Variants in VPS13B observed in about 807,000 individuals in gnomAD.
VPS13B encodes intermembrane lipid transfer protein VPS13B.
Under a neutral mutation model 426.4 loss-of-function variants are expected in VPS13B, and 285 were observed. The ratio of observed to expected loss-of-function variants is 0.67; its 90% CI spans 0.61 to 0.74. The LOEUF (loss-of-function observed/expected upper bound fraction) is 0.74, where lower values mean the gene tolerates loss of function less well. Among genes scored for constraint, VPS13B ranks in the 30% least tolerant of loss-of-function variants. VPS13B has a pLI of 0.00. For synonymous variants in VPS13B, 1,676 were observed against 1,676.4 expected (o/e 1.00, Z 0.01); for missense variants, 4,537 against 4,782.6 (o/e 0.95, Z 1.51).
chr8:99,387,048 A>T (rs906092702), intron 20 of VPS13B, among the ~76,000 whole-genome samples: 5 of 152,180 alleles, frequency 3.3e-5, no homozygotes, highest in Non-Finnish European at 5.9e-5. Flanking sequence ...GTTGGAGTAT[A>T]TGTCTCCATA....
chr8:99,416,884 T>C (rs1816048009), intron 21 of VPS13B, among the ~76,000 whole-genome samples: 2 of 152,210 alleles, frequency 1.3e-5, no homozygotes, highest in Admixed American at 1.3e-4. Context: ...CAGCCACCTG[T>C]GTTACTAGAA....
chr8:99,466,115 G>A (rs1234305272), intron 23 of VPS13B, among the ~76,000 whole-genome samples: 1 of 152,118 alleles, frequency 6.6e-6, no homozygotes, highest in African/African-American at 2.4e-5. Flanking sequence ...GGAAGACCAT[G>A]AGTGCAGTGT....
At chr8:99,233,229 A>C in intron 17 of VPS13B, 1 of 1,258,186 alleles carries the variant, frequency 7.9e-7, no homozygotes, top group Non-Finnish European at 1.2e-6. Context: ...TGATTTCTGC[A>C]CTAGTTAAGT....
rs1833271443 is a variant in VPS13B at position 99,724,814 on chromosome 8, A to G, written c.7050+3767A>G. 2.0e-5 allele frequency among the ~76,000 whole-genome samples: 3 copies of G among 152,264 alleles called. No individual in the cohort carries two copies. In the South Asian group the frequency reaches 6.2e-4, roughly 32 times the overall value. On this transcript the variant is annotated intron_variant, in intron 39 of 61. Coordinates refer to ENST00000357162, the MANE Select transcript of VPS13B (RefSeq NM_152564.5). ...GTCCTTCTAAGTTTTTAGAGGAACA[A>G]ATAGATTGTATAATTCCCTGAAGAA...
At chr8:99,755,399 C>T (rs1184024987) in intron 39 of VPS13B, among the ~76,000 whole-genome samples, 1 of 152,152 alleles carries the variant, frequency 6.6e-6, no homozygotes, top group African/African-American at 2.4e-5. Context: ...AGTGGCCACA[C>T]AATGAAAATT....
chr8:99,606,670 C>T (rs1335807361), intron 33 of VPS13B, among the ~76,000 whole-genome samples: 4 of 126,780 alleles, frequency 3.2e-5, no homozygotes, highest in African/African-American at 1.2e-4. Flanking sequence ...ACTCTTGTTT[C>T]CCAGGCTGGA....
At chr8:99,427,758 A>G (rs1007847187) in intron 21 of VPS13B, among the ~76,000 whole-genome samples, 1 of 151,756 alleles carries the variant, frequency 6.6e-6, no homozygotes, top group African/African-American at 2.4e-5. Flanking sequence ...GCTACCAATG[A>G]CTTTCTTCAC....
At chr8:99,367,917 G>T (rs1037712002) in intron 19 of VPS13B, among the ~76,000 whole-genome samples, 8 of 152,140 alleles carry the variant, frequency 5.3e-5, no homozygotes, top group African/African-American at 1.9e-4. Context: ...GCCTCCCAAA[G>T]TGCTGGGATT....
chr8:99,268,890 A>G (rs1223083759), intron 17 of VPS13B, among the ~76,000 whole-genome samples: 1 of 152,098 alleles, frequency 6.6e-6, no homozygotes, highest in Non-Finnish European at 1.5e-5. Context: ...GTGTTGTGGG[A>G]GGGACCCAGT....
intron 39 of VPS13B, among the ~76,000 whole-genome samples, chr8:99,744,830 G>A (rs899126039): frequency 2.0e-5 from 3 of 151,908 alleles, no homozygotes; most frequent in Non-Finnish European, 4.4e-5. Flanking sequence ...TGGGGTGGGG[G>A]GAAGGGGGAG....
chr8:99,576,404 C>CT (rs1211906985), intron 32 of VPS13B, among the ~76,000 whole-genome samples: 1 of 151,524 alleles, frequency 6.6e-6, no homozygotes, highest in Non-Finnish European at 1.5e-5. Flanking sequence ...AATTGGTATA[C>CT]TTTTTTCCCT....
chr8:99,074,151 C>G (rs1844989776), intron 3 of VPS13B, among the ~76,000 whole-genome samples: 1 of 151,962 alleles, frequency 6.6e-6, no homozygotes, highest in Non-Finnish European at 1.5e-5. Flanking sequence ...CCTTGAAAGC[C>G]TTTCAGTTTT....
Position 99,853,629 on chromosome 8 carries a change from T to C in VPS13B, c.10240T>C (p.Leu3414=), listed in dbSNP as rs145279584. 1.5e-4 allele frequency: 235 copies of C among 1,614,194 alleles called. No homozygotes were observed. In the African/African-American group the frequency reaches 2.6e-3, roughly 18 times the overall value. ...PLPGEEPVAA[L]FELYCVEICC... The stretch of plus-strand genomic sequence containing the variant: ...CCCTGGGGAAGAGCCTGTGGCTGCG[T>C]TGTTTGAACTTTACTGTGTGGAGAT... Residue 3414 remains leucine (L), a synonymous_variant, in exon 56 of 62, where the codon TTG becomes CTG. Coordinates refer to ENST00000357162, the MANE Select transcript of VPS13B (RefSeq NM_152564.5).
At chr8:99,602,123 T>C (rs1278554381) in intron 33 of VPS13B, among the ~76,000 whole-genome samples, 1 of 152,240 alleles carries the variant, frequency 6.6e-6, no homozygotes, top group Non-Finnish European at 1.5e-5. Context: ...AGGGTTTTTA[T>C]AGTTTTAGTT....
chr8:99,302,711 G>C (rs1820431386), intron 19 of VPS13B, among the ~76,000 whole-genome samples: 1 of 152,176 alleles, frequency 6.6e-6, no homozygotes, highest in Admixed American at 6.5e-5. Flanking sequence ...GTTTTGCCAT[G>C]TTGGCCATGC....
chr8:99,100,294 A>AT (rs894749672), intron 4 of VPS13B, among the ~76,000 whole-genome samples: 36 of 151,426 alleles, frequency 2.4e-4, no homozygotes, highest in African/African-American at 2.2e-4. Context: ...AAGAAAAAAA[A>AT]ATATATATAT....
rs773721694 is a variant in VPS13B, at chr8:99,322,541, G to A, written c.2824+47287G>A. 1.8e-3 allele frequency among the ~76,000 whole-genome samples: 273 copies of A among 152,266 alleles called. 4 individuals are homozygous for A. Among genetic ancestry groups the A allele is most frequent in the East Asian group, 3.9e-4 (2 of 5,186 alleles). On this transcript the variant is annotated intron_variant, in intron 19 of 61. Transcript: ENST00000357162. ...AAGTACATTTTTAATTTGAGGGTTG[G>A]TCATTAGACTTATTTTGCCTATAAG...
chr8:99,838,846 G>A (rs1409776225), intron 54 of VPS13B, among the ~76,000 whole-genome samples: 1 of 152,204 alleles, frequency 6.6e-6, no homozygotes, highest in Non-Finnish European at 1.5e-5. Flanking sequence ...AGGCAAGAGA[G>A]TAGGGAATCT....
chr8:99,481,017 A>G (rs1242845303), intron 24 of VPS13B, among the ~76,000 whole-genome samples: 4 of 152,200 alleles, frequency 2.6e-5, no homozygotes, highest in African/African-American at 9.7e-5. Flanking sequence ...TGCAAATTAA[A>G]CAGTTTTTTC....
Sources: allele counts gnomAD v4.1 joint callset (sites outside exome capture counted in the v4.1 genomes callset), GRCh38; gene constraint gnomAD v4.1.1; transcripts MANE v1.5; gene names NCBI Gene and HGNC (gene_info 2026-07-23, HGNC 2026-07-21).